The following IRAG1 variants were observed in gnomAD, a reference collection of about 807,000 sequenced individuals.
IRAG1 encodes inositol 1,4,5-triphosphate receptor associated 1, also known as IP3R-associated cGMP kinase substrate.
Under a neutral mutation model 106.2 loss-of-function variants are expected in IRAG1, and 62 were observed. The ratio of observed to expected loss-of-function variants is 0.58; its 90% CI spans 0.48 to 0.72. IRAG1 has a LOEUF of 0.72. IRAG1 is among the 30% of genes least tolerant of loss of function. The pLI, the probability that IRAG1 is intolerant of heterozygous loss-of-function variation, is 0.00. For synonymous variants in IRAG1, 462 were observed against 443.9 expected (o/e 1.04, Z -0.51); for missense variants, 1,064 against 1,140.7 (o/e 0.93, Z 0.97).
intron 1 of IRAG1, among the ~76,000 whole-genome samples, chr11:10,681,016 G>A (rs1443352791): frequency 6.6e-6 from 1 of 152,176 alleles, no homozygotes; most frequent in Non-Finnish European, 1.5e-5. Flanking sequence ...TATGCAGATG[G>A]TAGTTAGCTG....
intron 1 of IRAG1, among the ~76,000 whole-genome samples, chr11:10,669,868 T>C (rs1238707029): frequency 6.6e-6 from 1 of 152,192 alleles, no homozygotes; most frequent in Non-Finnish European, 1.5e-5. Flanking sequence ...AGGTGATTTA[T>C]AACTGCCTGC....
chr11:10,674,425 C>T (rs1589959594), intron 1 of IRAG1, among the ~76,000 whole-genome samples: 1 of 152,286 alleles, frequency 6.6e-6, no homozygotes, highest in African/African-American at 2.4e-5. Context: ...AGTTCTCACC[C>T]TGAAGTCTCT....
chr11:10,687,456 C>T (rs550289899), intron 1 of IRAG1: 5 of 228,064 alleles, frequency 2.2e-5, no homozygotes, highest in Non-Finnish European at 4.3e-5. Flanking sequence ...AGTGGGCACC[C>T]CCTAGGGCTG....
intron 1 of IRAG1, chr11:10,658,632 T>A (rs1465133329): frequency 2.9e-5 from 5 of 171,730 alleles, no homozygotes. Flanking sequence ...GTCCCAGGTC[T>A]GTGCTGGGCT....
chr11:10,655,584 C>A (rs906229146), intron 1 of IRAG1, among the ~76,000 whole-genome samples: 4 of 152,098 alleles, frequency 2.6e-5, no homozygotes, highest in Non-Finnish European at 5.9e-5. Context: ...TCTCGTAAAG[C>A]CTGGGACAAG....
chr11:10,667,131 T>G (rs936207518), intron 1 of IRAG1, among the ~76,000 whole-genome samples: 1 of 91,314 alleles, frequency 1.1e-5, no homozygotes, highest in Non-Finnish European at 2.3e-5. Context: ...GAACAGAAGT[T>G]TTTTTTTTCG....
chr11:10,619,293 T>G (rs575130464), intron 10 of IRAG1, among the ~76,000 whole-genome samples: 1 of 152,326 alleles, frequency 6.6e-6, no homozygotes, highest in Non-Finnish European at 1.5e-5. Context: ...GACTCCAGAA[T>G]GTTCTGATAA....
At position 10,573,856 on chromosome 11, in the gene IRAG1, C is replaced by G. The variant is rs765706277; in HGVS notation, c.*2476G>C. 3 of 152,310 alleles carry G rather than the reference C, an allele frequency of 2.0e-5. No homozygotes were observed. Among genetic ancestry groups the G allele is most frequent in the Non-Finnish European group, 4.4e-5 (3 of 68,120 alleles). 9.4% of individuals were successfully genotyped at this position (152,310 alleles called of 1,614,324 possible). On this transcript the variant is annotated 3_prime_UTR_variant, in exon 21 of 21. Coordinates refer to ENST00000423302, the MANE Select transcript of IRAG1 (RefSeq NM_130385.4). The stretch of plus-strand genomic sequence containing the variant: ...GCTTCCACGGCCACTCTCTAGAACT[C>G]TATTTGCATCCTGTCTTTGGCTCTG...
chr11:10,601,980 T>C (rs1591588876), intron 14 of IRAG1, among the ~76,000 whole-genome samples: 1 of 152,232 alleles, frequency 6.6e-6, no homozygotes, highest in East Asian at 1.9e-4. Context: ...TTCTCTCTGC[T>C]CATACCCCAG....
At chr11:10,593,403 A>ATTT (rs1852900860) in intron 17 of IRAG1, 89 bp downstream of exon 17, 2 of 1,068,060 alleles carry the variant, frequency 1.9e-6, no homozygotes, top group Non-Finnish European at 2.7e-6. Flanking sequence ...CCCTGCCCCC[A>ATTT]TTTGGTCACC....
chr11:10,679,514 A>G (rs1456616360), intron 1 of IRAG1, among the ~76,000 whole-genome samples: 1 of 152,214 alleles, frequency 6.6e-6, no homozygotes, highest in African/African-American at 2.4e-5. Context: ...AGAGTCACAG[A>G]GCTAATGGGT....
intron 2 of IRAG1, among the ~76,000 whole-genome samples, chr11:10,650,930 G>C (rs565076488): frequency 6.6e-6 from 1 of 152,184 alleles, no homozygotes; most frequent in Non-Finnish European, 1.5e-5. Context: ...TCCCAGAGTC[G>C]TAATGTGTCA....
At chr11:10,679,265 G>A (rs769351730) in intron 1 of IRAG1, among the ~76,000 whole-genome samples, 36 of 152,262 alleles carry the variant, frequency 2.4e-4, no homozygotes, top group South Asian at 6.2e-4. Flanking sequence ...AGGTACATTC[G>A]CAATGTTGTG....
chr11:10,651,061 C>T (rs1474430326), intron 2 of IRAG1, among the ~76,000 whole-genome samples: 1 of 152,220 alleles, frequency 6.6e-6, no homozygotes, highest in Non-Finnish European at 1.5e-5. Flanking sequence ...TGGCTCAGGT[C>T]AGTTTGGATG....
intron 1 of IRAG1, among the ~76,000 whole-genome samples, chr11:10,666,298 C>T (rs1225294093): frequency 6.6e-6 from 1 of 152,172 alleles, no homozygotes; most frequent in East Asian, 1.9e-4. Context: ...TCCCATCTTA[C>T]AGGTGAGAAA....
rs956445839 is a variant in IRAG1 at position 10,659,590 on chromosome 11, T to C, written c.68-7408A>G. Among the ~76,000 whole-genome samples the C allele has an allele frequency of 6.6e-6, 1 of 152,152 alleles. No homozygotes were observed. Among genetic ancestry groups the C allele is most frequent in the Non-Finnish European group, 1.5e-5 (1 of 68,022 alleles). ...GCTCTCCGCTCCTGTGGAGCTCGTA[T>C]AGGCTTTGTTGGCTGGGGGTGCCCT... On this transcript the variant is annotated intron_variant, in intron 1 of 20. Transcript: ENST00000423302. The surrounding 1 kb of genome is among the most constrained non-coding windows in gnomAD (Gnocchi z 4.1).
chr11:10,618,358 T>A lies in IRAG1; in HGVS notation c.1447+5420A>T, dbSNP rs182858793. ...ATCACAATTTATCGTAGTGACTTTG[T>A]CTATTCTTATGTTTCCTCTCCTAGA... On this transcript the variant is annotated intron_variant, in intron 10 of 20. Coordinates refer to ENST00000423302, the MANE Select transcript of IRAG1 (RefSeq NM_130385.4). Among the ~76,000 whole-genome samples the A allele has an allele frequency of 5.9e-5, 9 of 152,342 alleles. 1 individual carries two copies. The South Asian group carries it at 1.0e-3, about 18-fold the overall frequency.
chr11:10,578,093 A>T (rs1214036860), intron 20 of IRAG1, among the ~76,000 whole-genome samples: 1 of 152,204 alleles, frequency 6.6e-6, no homozygotes, highest in Non-Finnish European at 1.5e-5. Flanking sequence ...GTGGCTCTGG[A>T]GGAAGAGACC....
chr11:10,678,267 A>G (rs1376473374), intron 1 of IRAG1, among the ~76,000 whole-genome samples: 3 of 152,170 alleles, frequency 2.0e-5, no homozygotes, highest in Admixed American at 6.5e-5. Flanking sequence ...CCAAGCCTCA[A>G]CAACATGCTG....
Sources: gnomAD v4.1 joint callset for allele counts (sites outside exome capture counted in the v4.1 genomes callset) on GRCh38, gnomAD v4.1.1 for gene constraint, Gnocchi (gnomAD v3.1) non-coding constraint, MANE v1.5 for transcripts, NCBI Gene and HGNC (gene_info 2026-07-23, HGNC 2026-07-21) for gene names.